The following SH3RF1 variants were observed in gnomAD, a reference collection of about 807,000 sequenced individuals.
SH3RF1 encodes the protein SH3 domain containing ring finger 1.
Under a neutral mutation model 74.0 loss-of-function variants are expected in SH3RF1, and 32 were observed. The observed-to-expected ratio is 0.43, with a 90% confidence interval of 0.33 to 0.58. SH3RF1 has a LOEUF of 0.58. Among genes scored for constraint, SH3RF1 ranks in the 20% least tolerant of loss-of-function variants. The pLI is 0.05. For missense variants in SH3RF1, 954 were observed against 1,130.9 expected (o/e 0.84, Z 2.24); for synonymous variants, 396 against 439.6 (o/e 0.90, Z 1.24).
chr4:169,204,009 A>G (rs3762929), intron 2 of SH3RF1: 2 of 152,222 alleles, frequency 1.3e-5, no homozygotes, highest in Non-Finnish European at 2.9e-5. Flanking sequence ...ATCTTGGCAC[A>G]TCGAAGGCAT....
At chr4:169,151,076 C>T (rs1322181975) in intron 4 of SH3RF1, among the ~76,000 whole-genome samples, 1 of 152,164 alleles carries the variant, frequency 6.6e-6, no homozygotes, top group African/African-American at 2.4e-5. Context: ...GCAAAATCTA[C>T]AAACATGTTT....
At chr4:169,105,862 C>G (rs1180282222) in intron 11 of SH3RF1, among the ~76,000 whole-genome samples, 14 of 152,042 alleles carry the variant, frequency 9.2e-5, no homozygotes, top group Admixed American at 9.2e-4. Context: ...CTGAAGCCTG[C>G]GCAACAGAGC....
rs564851727 is a variant in SH3RF1, at chr4:169,186,999, C to T, written c.394-30320G>A. On this transcript the variant is annotated intron_variant, in intron 2 of 11. Transcript: ENST00000284637. ...ACTGCACTCCAGCCTGGGGACAGAG[C>T]GAGGCTCCATCGCAAAAAAAAAAAA... Among the ~76,000 whole-genome samples the T allele has an allele frequency of 2.9e-5, 4 of 138,482 alleles. No homozygotes were observed. In the South Asian group the frequency reaches 7.2e-4, roughly 25 times the overall value. The allele number at this position is 138,482 out of a possible 152,430, so 90.8% of individuals were successfully genotyped here. A position where few individuals can be genotyped will look rare whatever the true frequency, so the allele number is the denominator to read the frequency against.
At chr4:169,210,215 T>G (rs1033165172) in intron 2 of SH3RF1, among the ~76,000 whole-genome samples, 1 of 152,148 alleles carries the variant, frequency 6.6e-6, no homozygotes, top group African/African-American at 2.4e-5. Flanking sequence ...ATTTTACCCT[T>G]CTCTCCTCTT....
intron 2 of SH3RF1, among the ~76,000 whole-genome samples, chr4:169,222,389 T>C (rs1730581168): frequency 6.6e-6 from 1 of 152,022 alleles, no homozygotes; most frequent in Non-Finnish European, 1.5e-5. Context: ...TGCTTGAACC[T>C]GGGAGGTGGA....
At chr4:169,181,665 C>T (rs951097541) in intron 2 of SH3RF1, among the ~76,000 whole-genome samples, 2 of 152,162 alleles carry the variant, frequency 1.3e-5, no homozygotes, top group African/African-American at 4.8e-5. Context: ...AAAAATCCTC[C>T]CAACACTCCT....
chr4:169,179,839 A>G (rs1579122756), intron 2 of SH3RF1, among the ~76,000 whole-genome samples: 1 of 152,230 alleles, frequency 6.6e-6, no homozygotes, highest in Non-Finnish European at 1.5e-5. Flanking sequence ...TTCAAAAAGC[A>G]TCTTGTCAGA....
At chr4:169,201,130 T>C (rs1182299044) in intron 2 of SH3RF1, among the ~76,000 whole-genome samples, 4 of 152,168 alleles carry the variant, frequency 2.6e-5, no homozygotes, top group Admixed American at 6.5e-5. Flanking sequence ...ATTTAAAATA[T>C]ACGATCAATA....
At chr4:169,218,035 A>G (rs1048380339) in intron 2 of SH3RF1, among the ~76,000 whole-genome samples, 2 of 151,708 alleles carry the variant, frequency 1.3e-5, no homozygotes, top group Non-Finnish European at 2.9e-5. Flanking sequence ...GAATGCTATT[A>G]TCCCTATGGG....
chr4:169,153,788 T>C (rs1383056532), intron 4 of SH3RF1, among the ~76,000 whole-genome samples: 2 of 152,164 alleles, frequency 1.3e-5, no homozygotes, highest in African/African-American at 4.8e-5. Flanking sequence ...GTGAGGAAAA[T>C]GCTCATTTGA....
At chr4:169,118,165 C>T (rs923466906) in intron 8 of SH3RF1, among the ~76,000 whole-genome samples, 3 of 152,210 alleles carry the variant, frequency 2.0e-5, no homozygotes, top group African/African-American at 7.2e-5. Context: ...GCTCCTGTTT[C>T]CTGGCTTCCT....
intron 2 of SH3RF1, chr4:169,203,989 G>C (rs144957153): frequency 6.6e-6 from 1 of 152,108 alleles, no homozygotes; most frequent in Non-Finnish European, 1.5e-5. Context: ...TGAAGAAAGC[G>C]CCTGGCATAA....
intron 2 of SH3RF1, among the ~76,000 whole-genome samples, chr4:169,164,074 A>G (rs1734193233): frequency 6.6e-6 from 1 of 152,184 alleles, no homozygotes; most frequent in Non-Finnish European, 1.5e-5. Context: ...ACCCAAGTCT[A>G]GAGAAGGTGC....
At position 169,155,509 on chromosome 4, in the gene SH3RF1, T is replaced by C; in HGVS notation, c.736A>G (p.Ile246Val). 1 of 1,613,546 alleles carries C rather than the reference T, an allele frequency of 6.2e-7. No homozygotes were observed. The highest frequency in any genetic ancestry group is 1.1e-5 in the South Asian group (1 of 91,054). ...ACATATGAAATTGGAAATATTCCTATTTTGTCTGCCAGCATTCCTTCAGCC... is the reference window on the plus strand; with the variant it reads ...ACATATGAAATTGGAAATATTCCTACTTTGTCTGCCAGCATTCCTTCAGCC... ...NWAEGMLADK[I>V]GIFPISYVEF... Residue 246 changes from isoleucine to valine, a missense_variant, in exon 4 of 12, where the codon ATA becomes GTA. This residue lies in a region of SH3RF1 where 854 missense variants were observed against 962.5 expected (regional missense o/e 0.89). Coordinates refer to ENST00000284637, the MANE Select transcript of SH3RF1 (RefSeq NM_020870.4).
At chr4:169,265,784 A>G (rs1731342206) in intron 2 of SH3RF1, among the ~76,000 whole-genome samples, 1 of 152,192 alleles carries the variant, frequency 6.6e-6, no homozygotes, top group African/African-American at 2.4e-5. Context: ...CCAGCTTAAG[A>G]GAATATTAAA....
chr4:169,114,848 G>T (rs1365464114), intron 10 of SH3RF1, among the ~76,000 whole-genome samples: 1 of 152,012 alleles, frequency 6.6e-6, no homozygotes, highest in Admixed American at 6.6e-5. Context: ...CTGTTTACAG[G>T]CTCCCTTAAC....
chr4:169,167,336 T>C (rs1734263425), intron 2 of SH3RF1, among the ~76,000 whole-genome samples: 1 of 152,192 alleles, frequency 6.6e-6, no homozygotes. Context: ...CTAAAAAATG[T>C]GGAGCAACTA....
chr4:169,199,744 A>C (rs2660424), intron 2 of SH3RF1, among the ~76,000 whole-genome samples: 12,497 of 152,290 alleles, frequency 0.082, 612 homozygotes, highest in African/African-American at 0.13. Flanking sequence ...TTTAAAAAGA[A>C]AGACAATAAA....
intron 2 of SH3RF1, among the ~76,000 whole-genome samples, chr4:169,159,691 T>C (rs1734121131): frequency 6.6e-6 from 1 of 152,230 alleles, no homozygotes; most frequent in African/African-American, 2.4e-5. Context: ...ATCATCGTCA[T>C]CATTACCCAG....
Sources: gnomAD v4.1 joint callset for allele counts (sites outside exome capture counted in the v4.1 genomes callset) on GRCh38, gnomAD v4.1.1 for gene constraint, gnomAD v4.1.1 regional missense constraint, MANE v1.5 for transcripts, NCBI Gene and HGNC (gene_info 2026-07-23, HGNC 2026-07-21) for gene names.